Variants in SNTG2 observed in about 807,000 individuals in gnomAD.
SNTG2 encodes gamma-2-syntrophin.
Under a neutral mutation model 70.9 loss-of-function variants are expected in SNTG2, and 74 were observed. The ratio of observed to expected loss-of-function variants is 1.04; its 90% confidence interval spans 0.86 to 1.27. SNTG2 has a LOEUF of 1.27. Among genes scored for constraint, SNTG2 ranks in the 50% most tolerant of loss-of-function variants. The pLI is 0.00. For missense variants in SNTG2, 717 were observed against 690.7 expected (o/e 1.04, Z -0.43); for synonymous variants, 278 against 273.8 (o/e 1.02, Z -0.15).
chr2:1,188,252 T>C (rs1431674186), intron 8 of SNTG2, among the ~76,000 whole-genome samples: 1 of 151,948 alleles, frequency 6.6e-6, no homozygotes, highest in Admixed American at 6.6e-5. Context: ...AGATACATAG[T>C]TGACCAGTAA....
At position 1,209,159 on chromosome 2, in the gene SNTG2, G is replaced by T. The variant is rs1410400164; in HGVS notation, c.648G>T (p.Trp216Cys). 6.2e-7 allele frequency: 1 copy of T among 1,613,852 alleles called. No homozygotes were observed. The highest frequency in any genetic ancestry group is 2.2e-5 in the East Asian group (1 of 44,882). ...IAKDPRYEKR[W>C]LDTLSVPLSM... ...AGGACCCGAGGTATGAGAAGCGCTG[G>T]CTGGACACCTTGTCCGTGCCTCTGT... The change falls in exon 9 of 17, where the codon TGG (tryptophan) becomes TGT (cysteine). Residue 216 changes from tryptophan (W) to cysteine (C), a missense_variant. By Grantham distance (215) the Trp-to-Cys change is radical. Transcript: ENST00000308624.
chr2:1,101,654 A>T (rs1027504215), intron 4 of SNTG2, among the ~76,000 whole-genome samples: 1 of 152,098 alleles, frequency 6.6e-6, no homozygotes, highest in African/African-American at 2.4e-5. Context: ...AGGAGAGCAT[A>T]CCCTCTACCC....
At chr2:1,257,362 G>A (rs1678179782) in intron 12 of SNTG2, among the ~76,000 whole-genome samples, 2 of 152,196 alleles carry the variant, frequency 1.3e-5, no homozygotes, top group Non-Finnish European at 2.9e-5. Context: ...CTGTGGGCAA[G>A]GTCATAGCTC....
chr2:1,298,171 C>T (rs1680302758), intron 14 of SNTG2, among the ~76,000 whole-genome samples: 1 of 152,134 alleles, frequency 6.6e-6, no homozygotes. Flanking sequence ...CTACCTCTGT[C>T]ACCTAGGCTG....
chr2:984,093 G>C (rs922366273), intron 1 of SNTG2, among the ~76,000 whole-genome samples: 1 of 152,202 alleles, frequency 6.6e-6, no homozygotes, highest in Admixed American at 6.5e-5. Flanking sequence ...GGTGGCAGGA[G>C]CTCTGTGAGC....
intron 4 of SNTG2, among the ~76,000 whole-genome samples, chr2:1,134,803 G>A (rs1364307147): frequency 3.3e-5 from 5 of 152,140 alleles, no homozygotes; most frequent in Admixed American, 6.5e-5. Flanking sequence ...GGCTCCAGCC[G>A]CACAGGAGCC....
At chr2:1,114,664 A>C (rs111458802) in intron 4 of SNTG2, among the ~76,000 whole-genome samples, 51 of 152,068 alleles carry the variant, frequency 3.4e-4, no homozygotes, top group African/African-American at 1.1e-3. Context: ...AGTGAGGTTT[A>C]ACCCTTACAG....
chr2:1,249,501 G>A (rs1677634267), intron 12 of SNTG2, among the ~76,000 whole-genome samples: 1 of 152,206 alleles, frequency 6.6e-6, no homozygotes, highest in Non-Finnish European at 1.5e-5. Flanking sequence ...AAAATCCAGA[G>A]TGCAGGGAGT....
intron 4 of SNTG2, among the ~76,000 whole-genome samples, chr2:1,121,750 A>G (rs28867477): frequency 0.16 from 23,771 of 152,146 alleles, 2,270 homozygotes; most frequent in South Asian, 0.29. Flanking sequence ...TGAGAACAGC[A>G]TGGGGGAAAC....
chr2:1,218,922 C>T (rs111924987), intron 9 of SNTG2, among the ~76,000 whole-genome samples: 2,054 of 152,158 alleles, frequency 0.013, 45 homozygotes, highest in African/African-American at 0.046. Context: ...TAAAACTGTA[C>T]GTTTAAAGGA....
chr2:1,086,124 T>TTAGTGAAGACCACACA (rs1664668873), intron 2 of SNTG2, among the ~76,000 whole-genome samples: 1 of 152,162 alleles, frequency 6.6e-6, no homozygotes, highest in African/African-American at 2.4e-5. Context: ...CTCTGATAAG[T>TTAGTGAAGACCACACA]TAGTGAAGAC....
At chr2:1,040,062 G>A (rs893596879) in intron 1 of SNTG2, among the ~76,000 whole-genome samples, 3 of 152,184 alleles carry the variant, frequency 2.0e-5, no homozygotes, top group East Asian at 3.9e-4. Flanking sequence ...GGATTGGCCT[G>A]TGCGGGTCAC....
chr2:1,078,926 G>A (rs1214539358), intron 1 of SNTG2, among the ~76,000 whole-genome samples: 1 of 152,178 alleles, frequency 6.6e-6, no homozygotes, highest in Non-Finnish European at 1.5e-5. Flanking sequence ...ACCCACTGGG[G>A]TTGGGGGAAT....
At chr2:1,354,870 T>A (rs1660759509) in intron 16 of SNTG2, among the ~76,000 whole-genome samples, 1 of 152,268 alleles carries the variant, frequency 6.6e-6, no homozygotes, top group South Asian at 2.1e-4. Context: ...TCTTATTTTT[T>A]CAGGGTTGGT....
At chr2:1,215,330 T>C (rs1448042735) in intron 9 of SNTG2, among the ~76,000 whole-genome samples, 1 of 152,186 alleles carries the variant, frequency 6.6e-6, no homozygotes, top group African/African-American at 2.4e-5. Flanking sequence ...TTTCACTATT[T>C]ATTTGGTAGA....
chr2:1,151,285 C>T (rs1431027867), intron 6 of SNTG2, among the ~76,000 whole-genome samples: 1 of 152,284 alleles, frequency 6.6e-6, no homozygotes, highest in Admixed American at 6.5e-5. Context: ...AAGGTGTGCT[C>T]AGGACCCTGG....
chr2:1,144,880 C>T (rs1159802557), intron 6 of SNTG2, among the ~76,000 whole-genome samples: 1 of 152,186 alleles, frequency 6.6e-6, no homozygotes, highest in Admixed American at 6.5e-5. Flanking sequence ...ACAGTGTCTG[C>T]TCTTAAACCA....
intron 12 of SNTG2, chr2:1,256,503 C>T (rs1484505424): frequency 1.3e-5 from 2 of 152,098 alleles, no homozygotes; most frequent in African/African-American, 4.8e-5. Flanking sequence ...CTTAAATAAC[C>T]CCCTTCTGTT....
intron 6 of SNTG2, among the ~76,000 whole-genome samples, chr2:1,162,324 C>G (rs949168986): frequency 1.3e-5 from 2 of 152,104 alleles, no homozygotes; most frequent in African/African-American, 4.8e-5. Context: ...TGATTTCCAA[C>G]AAGGACTTCA....
Sources: allele counts gnomAD v4.1 joint callset (sites outside exome capture counted in the v4.1 genomes callset), GRCh38; gene constraint gnomAD v4.1.1; transcripts MANE v1.5; gene names NCBI Gene and HGNC (gene_info 2026-07-23, HGNC 2026-07-21).